Variants in MARCHF1 observed in about 807,000 individuals in gnomAD.
The protein encoded by MARCHF1 is membrane associated ring-CH-type finger 1, also known as E3 ubiquitin-protein ligase MARCHF1.
Under a neutral mutation model 54.2 loss-of-function variants are expected in MARCHF1, and 40 were observed. The observed-to-expected ratio is 0.74, with a 90% confidence interval of 0.57 to 0.96. The LOEUF (loss-of-function observed/expected upper bound fraction) is 0.96. Ranked by LOEUF, MARCHF1 falls within the 40% of genes least tolerant of loss-of-function variation. The pLI, the probability that MARCHF1 is intolerant of heterozygous loss-of-function variation, is 0.00. For synonymous variants in MARCHF1, 236 were observed against 236.3 expected, an observed-to-expected ratio of 1.00 and a Z score of 0.01; for missense variants, 586 against 656.5, an observed-to-expected ratio of 0.89 and a Z score of 1.17.
intron 9 of MARCHF1, among the ~76,000 whole-genome samples, chr4:163,542,960 G>A (rs529648851): frequency 2.0e-5 from 3 of 152,280 alleles, no homozygotes; most frequent in South Asian, 2.1e-4. Flanking sequence ...TGTGGTGGTG[G>A]TGGACAAGAG....
intron 7 of MARCHF1, 151 bp downstream of exon 7, chr4:163,612,120 C>CA: frequency 1.5e-6 from 1 of 671,230 alleles, no homozygotes; most frequent in Non-Finnish European, 2.3e-6. Flanking sequence ...TTATTCTTTT[C>CA]ATACCCACCT....
intron 6 of MARCHF1, 25 bp from the exon 7 acceptor site, chr4:163,613,063 T>C (rs917727014): frequency 1.4e-6 from 2 of 1,449,488 alleles, no homozygotes; most frequent in Non-Finnish European, 9.0e-7. Context: ...AGGCAAAGGA[T>C]GGGAAATGGG....
intron 1 of MARCHF1, among the ~76,000 whole-genome samples, chr4:164,247,827 G>C (rs1004805404): frequency 2.7e-5 from 4 of 148,252 alleles, no homozygotes; most frequent in Non-Finnish European, 4.5e-5. Context: ...TCTAGTATGG[G>C]AAAGGAGGTA....
chr4:163,851,444 G>T (rs1749639525), intron 4 of MARCHF1, among the ~76,000 whole-genome samples: 1 of 152,106 alleles, frequency 6.6e-6, no homozygotes, highest in African/African-American at 2.4e-5. Context: ...TTTTATATTG[G>T]GTGTGTGGGA....
intron 1 of MARCHF1, among the ~76,000 whole-genome samples, chr4:164,239,044 AG>A (rs1732650187): frequency 6.6e-6 from 1 of 151,926 alleles, no homozygotes; most frequent in Admixed American, 6.6e-5. Context: ...ATTGTTTTTC[AG>A]GTTATATATT....
At chr4:164,101,183 G>A (rs1018283800) in intron 2 of MARCHF1, among the ~76,000 whole-genome samples, 1 of 152,230 alleles carries the variant, frequency 6.6e-6, no homozygotes, top group African/African-American at 2.4e-5. Context: ...GCGAGGCCGG[G>A]GGAGGGGCAC....
chr4:164,236,859 CTAA>C (rs1288788346), intron 1 of MARCHF1, among the ~76,000 whole-genome samples: 1 of 152,128 alleles, frequency 6.6e-6, no homozygotes, highest in Non-Finnish European at 1.5e-5. Context: ...TCTCTGACCC[CTAA>C]AAACTGTGAA....
intron 7 of MARCHF1, among the ~76,000 whole-genome samples, chr4:163,592,568 A>C (rs966208515): frequency 2.6e-5 from 4 of 152,104 alleles, no homozygotes; most frequent in Non-Finnish European, 5.9e-5. Flanking sequence ...AGTGGAGAAG[A>C]AGATAATGAT....
In MARCHF1 at chr4:164,217,841, A is replaced by G. The variant is rs532533629; in HGVS notation, c.-322-106179T>C. ...TATGGTAAGAAAACATTTACAGAAT[A>G]GGCTGGGGAATTGCCCTCGCCCTGA... On this transcript the variant is annotated intron_variant, in intron 1 of 9. Transcript: ENST00000514618. Among the ~76,000 whole-genome samples, 28 of 152,270 alleles carry G rather than the reference A, an allele frequency of 1.8e-4. No homozygotes were observed. In the South Asian group the frequency reaches 5.2e-3, roughly 28 times the overall value.
At chr4:163,588,097 G>C (rs1740469247) in intron 7 of MARCHF1, among the ~76,000 whole-genome samples, 1 of 152,106 alleles carries the variant, frequency 6.6e-6, no homozygotes, top group African/African-American at 2.4e-5. Context: ...AATAAAGTGA[G>C]CAAAAAGGAA....
intron 1 of MARCHF1, among the ~76,000 whole-genome samples, chr4:164,179,309 A>T (rs1730771223): frequency 6.6e-6 from 1 of 152,168 alleles, no homozygotes; most frequent in Non-Finnish European, 1.5e-5. Context: ...TAAAATTATT[A>T]AAAAATAATA....
intron 5 of MARCHF1, among the ~76,000 whole-genome samples, chr4:163,622,626 G>A (rs763671799): frequency 4.2e-4 from 64 of 152,064 alleles, no homozygotes; most frequent in Non-Finnish European, 3.7e-4. Context: ...CATCTGCACC[G>A]TGGGCTGATT....
At chr4:163,894,347 C>T (rs960783493) in intron 3 of MARCHF1, among the ~76,000 whole-genome samples, 1 of 151,682 alleles carries the variant, frequency 6.6e-6, no homozygotes, top group East Asian at 1.9e-4. Context: ...AAATATAGAA[C>T]AAAAATTGAG....
chr4:163,817,719 G>C (rs965606854), intron 4 of MARCHF1, among the ~76,000 whole-genome samples: 1 of 151,808 alleles, frequency 6.6e-6, no homozygotes, highest in South Asian at 2.1e-4. Flanking sequence ...AAAGGTTTAC[G>C]TATGTTTTGA....
At chr4:164,195,485 T>A (rs182673604) in intron 1 of MARCHF1, among the ~76,000 whole-genome samples, 1 of 152,318 alleles carries the variant, frequency 6.6e-6, no homozygotes, top group Admixed American at 6.5e-5. Context: ...GATCTTTTTT[T>A]ATCCCCACAA....
At position 164,236,561 on chromosome 4, in the gene MARCHF1, G is replaced by A. The variant is rs189041285; in HGVS notation, c.-322-124899C>T. Among the ~76,000 whole-genome samples the A allele has an allele frequency of 1.6e-3, 238 of 152,090 alleles. 1 individual carries two copies. The highest frequency in any genetic ancestry group is 4.0e-3 in the African/African-American group (166 of 41,506). On this transcript the variant is annotated intron_variant, in intron 1 of 9. Transcript: ENST00000514618. ...GACTGCCAAAAACATGCTTGTTCACGGCATGAGATCTGAAATAAGAGGGCA... is the reference window on the plus strand; with the variant it reads ...GACTGCCAAAAACATGCTTGTTCACAGCATGAGATCTGAAATAAGAGGGCA...
intron 1 of MARCHF1, among the ~76,000 whole-genome samples, chr4:164,321,376 C>T (rs879935916): frequency 6.6e-6 from 1 of 151,892 alleles, no homozygotes; most frequent in Non-Finnish European, 1.5e-5. Flanking sequence ...GTTGAGACCT[C>T]CTATAGTAGA....
In MARCHF1 at chr4:163,525,604, T is replaced by TA. The variant is rs1434971669; in HGVS notation, c.*3143dup. 6.6e-6 allele frequency: 1 copy of TA among 152,064 alleles called. No individual in the cohort carries two copies. Among genetic ancestry groups the TA allele is most frequent in the Non-Finnish European group, 1.5e-5 (1 of 68,012 alleles). 9.4% of individuals were successfully genotyped at this position (152,064 alleles called of 1,614,324 possible). On this transcript the variant is annotated 3_prime_UTR_variant, in exon 10 of 10. Transcript: ENST00000514618. ...CTGTACGATAAGAGTGATAGTTCTT[T>TA]AAAAAAATTAACAGCATCAATGTCT... is the stretch of plus-strand genomic sequence containing the variant.
At chr4:163,587,722 T>G (rs887944189) in intron 7 of MARCHF1, among the ~76,000 whole-genome samples, 3 of 152,036 alleles carry the variant, frequency 2.0e-5, no homozygotes, top group African/African-American at 7.3e-5. Context: ...CAGCATGCAA[T>G]ACACCCATGT....
Sources: allele counts gnomAD v4.1 joint callset (sites outside exome capture counted in the v4.1 genomes callset), GRCh38; gene constraint gnomAD v4.1.1; transcripts MANE v1.5; gene names NCBI Gene and HGNC (gene_info 2026-07-23, HGNC 2026-07-21).